Variants in ADIPOR1 observed in about 807,000 individuals in gnomAD.
ADIPOR1 encodes the protein adiponectin receptor protein 1.
A neutral mutation model predicts 37.5 loss-of-function variants in ADIPOR1; 15 were observed. The observed-to-expected ratio is 0.40, with a 90% CI of 0.27 to 0.62. ADIPOR1 has a LOEUF of 0.62. Among genes scored for constraint, ADIPOR1 ranks in the 20% least tolerant of loss-of-function variants. ADIPOR1 has a pLI of 0.42. For synonymous variants in ADIPOR1, 173 were observed against 173.2 expected (o/e 1.00, Z 0.01); for missense variants, 286 against 478.0 (o/e 0.60, Z 3.75).
At chr1:202,942,245 A>G in intron 6 of ADIPOR1, 27 bp from the exon 7 acceptor site, 1 of 1,565,860 alleles carries the variant, frequency 6.4e-7, no homozygotes, top group Admixed American at 1.9e-5. Flanking sequence ...TAAGACTGTC[A>G]AACAAGGAAA....
At chr1:202,951,496 G>A (rs889601725) in intron 1 of ADIPOR1, among the ~76,000 whole-genome samples, 4 of 152,258 alleles carry the variant, frequency 2.6e-5, no homozygotes, top group African/African-American at 9.6e-5. Flanking sequence ...TTAGTGAGAA[G>A]AATCTCATCT....
chr1:202,955,446 C>T (rs1201882460), intron 1 of ADIPOR1, among the ~76,000 whole-genome samples: 1 of 152,088 alleles, frequency 6.6e-6, no homozygotes, highest in South Asian at 2.1e-4. Context: ...GCCTTGGCAT[C>T]CCAAAGTGCT....
intron 2 of ADIPOR1, among the ~76,000 whole-genome samples, chr1:202,950,585 G>C (rs892828371): frequency 6.6e-6 from 1 of 152,080 alleles, no homozygotes; most frequent in Non-Finnish European, 1.5e-5. Context: ...TTGCTTGAGA[G>C]ACTTCTGTCC....
intron 4 of ADIPOR1, 71 bp downstream of exon 4, chr1:202,946,368 T>C (rs1056764674): frequency 5.1e-6 from 8 of 1,579,178 alleles, no homozygotes; most frequent in Non-Finnish European, 6.9e-6. Context: ...TGAACAACTT[T>C]GTTGGGCTCT....
chr1:202,952,730 T>C (rs1654627833), intron 1 of ADIPOR1, among the ~76,000 whole-genome samples: 1 of 152,326 alleles, frequency 6.6e-6, no homozygotes, highest in East Asian at 1.9e-4. Flanking sequence ...TAGCTTGAGA[T>C]GGCATAGTGT....
chr1:202,941,500 C>G lies in ADIPOR1; in HGVS notation c.*73G>C, dbSNP rs1369095930. 7 of 1,527,144 alleles carry G rather than the reference C, an allele frequency of 4.6e-6. No homozygotes were observed. The highest frequency in any genetic ancestry group is 6.2e-6 in the Non-Finnish European group (7 of 1,137,838). 94.6% of individuals were successfully genotyped at this position (1,527,144 alleles called of 1,614,324 possible). On this transcript the variant is annotated 3_prime_UTR_variant, in exon 8 of 8. Transcript: ENST00000340990. ...TAGAAACAGACAACTCAGACTCTTC[C>G]TCTCACTTCAGCAAAGAAGTTATTT...
At chr1:202,943,714 A>G (rs749415989) in intron 6 of ADIPOR1, 44 bp downstream of exon 6, 1 of 1,589,908 alleles carries the variant, frequency 6.3e-7, no homozygotes, top group Non-Finnish European at 8.6e-7. Context: ...TATCAGGCCT[A>G]AGGTCTAAAT....
At chr1:202,947,700 T>A (rs1654392922) in intron 3 of ADIPOR1, among the ~76,000 whole-genome samples, 1 of 152,176 alleles carries the variant, frequency 6.6e-6, no homozygotes, top group Admixed American at 6.5e-5. Flanking sequence ...GATTCTAAGT[T>A]CTTACCACAT....
chr1:202,950,016 G>A (rs1457948809), intron 2 of ADIPOR1, among the ~76,000 whole-genome samples: 1 of 152,014 alleles, frequency 6.6e-6, no homozygotes, highest in Non-Finnish European at 1.5e-5. Flanking sequence ...AGGCTGGAGT[G>A]CAATGGCACG....
intron 1 of ADIPOR1, among the ~76,000 whole-genome samples, chr1:202,953,366 A>T (rs1313048369): frequency 2.0e-5 from 3 of 152,228 alleles, no homozygotes; most frequent in Non-Finnish European, 4.4e-5. Flanking sequence ...TGTTGGAAGT[A>T]ACTTAGATCA....
chr1:202,956,702 T>G (rs1487586144), intron 1 of ADIPOR1, among the ~76,000 whole-genome samples: 2 of 152,140 alleles, frequency 1.3e-5, no homozygotes, highest in African/African-American at 4.8e-5. Context: ...GAACATGCCA[T>G]GAAAGAACAC....
intron 4 of ADIPOR1, among the ~76,000 whole-genome samples, chr1:202,946,219 A>G (rs1160024604): frequency 1.3e-5 from 2 of 152,128 alleles, no homozygotes; most frequent in African/African-American, 4.8e-5. Context: ...AGGGATCACA[A>G]AAAAATATCT....
rs1456753652 is a variant in ADIPOR1, at chr1:202,958,231, A to G, written c.-141T>C. 4 of 151,632 alleles carry G rather than the reference A, an allele frequency of 2.6e-5. No homozygotes were observed. The highest frequency in any genetic ancestry group is 5.9e-5 in the Non-Finnish European group (4 of 67,940). The allele number at this position is 151,632 out of a possible 1,614,324, so 9.4% of individuals were successfully genotyped here. On this transcript the variant is annotated 5_prime_UTR_variant, in exon 1 of 8. The change abolishes an upstream ATG in the 5' untranslated region. Transcript: ENST00000340990. ...TGGGGGCCGCGGTCCCCCGCGCTAC[A>G]TCCCGCGGCGCTGGAGGCGGCCTGC...
chr1:202,948,292 C>T lies in ADIPOR1; in HGVS notation c.258+12G>A. On this transcript the variant is annotated intron_variant, in intron 3 of 7. Transcript: ENST00000340990. ...CCCTTCCCCTTCCAGGACAGAAGCT[C>T]ATAGGCCATACCTTGTACACAAACT... is the stretch of plus-strand genomic sequence containing the variant. 6.3e-7 allele frequency: 1 copy of T among 1,590,182 alleles called. No homozygotes were observed. The highest frequency in any genetic ancestry group is 8.6e-7 in the Non-Finnish European group (1 of 1,166,844).
intron 6 of ADIPOR1, among the ~76,000 whole-genome samples, chr1:202,943,380 T>G (rs1263137806): frequency 6.6e-6 from 1 of 152,250 alleles, no homozygotes; most frequent in Non-Finnish European, 1.5e-5. Context: ...AAACCAGGTA[T>G]TCCATTCCCT....
chr1:202,948,942 C>A (rs568022902), intron 2 of ADIPOR1, among the ~76,000 whole-genome samples: 1 of 151,744 alleles, frequency 6.6e-6, no homozygotes, highest in Non-Finnish European at 1.5e-5. Context: ...AGGCGCCCAC[C>A]ACCATGCCTG....
chr1:202,956,892 C>A (rs189006748), intron 1 of ADIPOR1, among the ~76,000 whole-genome samples: 2 of 152,280 alleles, frequency 1.3e-5, no homozygotes, highest in East Asian at 1.9e-4. Context: ...TTCTCTCCTA[C>A]CTGCAGGCAA....
At chr1:202,953,490 G>T (rs1172428593) in intron 1 of ADIPOR1, among the ~76,000 whole-genome samples, 1 of 152,118 alleles carries the variant, frequency 6.6e-6, no homozygotes, top group African/African-American at 2.4e-5. Flanking sequence ...ATTTCAAAAT[G>T]AATGAATGAA....
chr1:202,951,203 T>C (rs1654569311), intron 1 of ADIPOR1, 39 bp from the exon 2 acceptor site: 2 of 1,037,074 alleles, frequency 1.9e-6, no homozygotes, highest in Admixed American at 5.2e-5. Flanking sequence ...GACAATTTAT[T>C]CCTCTTACAG....
Sources: allele counts gnomAD v4.1 joint callset (sites outside exome capture counted in the v4.1 genomes callset), GRCh38; gene constraint gnomAD v4.1.1; transcripts MANE v1.5; gene names NCBI Gene and HGNC (gene_info 2026-07-23, HGNC 2026-07-21).